The following HEXA variants were observed in gnomAD, a reference collection of about 807,000 sequenced individuals.
HEXA encodes hexosaminidase subunit alpha.
HEXA carries 54 observed loss-of-function variants against 73.3 expected under a neutral mutation model. That is an observed-to-expected ratio of 0.74 (90% CI 0.59 to 0.92). The LOEUF is 0.92. Among genes scored for constraint, HEXA ranks in the 40% least tolerant of loss-of-function variants. The pLI is 0.00. For missense variants in HEXA, 649 were observed against 653.0 expected, an observed-to-expected ratio of 0.99 and a Z score of 0.07; for synonymous variants, 230 against 246.9, an observed-to-expected ratio of 0.93 and a Z score of 0.64.
intron 5 of HEXA, 95 bp from the exon 6 acceptor site, chr15:72,351,329 C>T (rs956489053): frequency 6.2e-6 from 5 of 804,516 alleles, no homozygotes; most frequent in South Asian, 2.7e-5. Context: ...CCGCTCCACA[C>T]ACCCCTACAG....
rs140337137 is a variant in HEXA at position 72,347,725 on chromosome 15, G to A, written c.1107C>T (p.Gly369=). ...CAAACACCTCCTGCCACACCACATA[G>A]CCCTTGCCATAAGAAGAGACGATGT... ...LLDIVSSYGK[G]YVVWQEVFDN... The change falls in exon 10 of 14, where the codon GGC becomes GGT. Residue 369 remains glycine, a synonymous_variant. Transcript: ENST00000268097. 1,769 of 1,614,166 alleles carry A rather than the reference G, an allele frequency of 1.1e-3. 6 individuals carry two copies. Among genetic ancestry groups the A allele is most frequent in the Admixed American group, 2.2e-3 (134 of 60,028 alleles).
At chr15:72,365,245 G>A (rs938671190) in intron 1 of HEXA, among the ~76,000 whole-genome samples, 57 of 152,088 alleles carry the variant, frequency 3.7e-4, no homozygotes, top group East Asian at 3.3e-3. Flanking sequence ...GCACGCCACC[G>A]TGCCCGGCTA....
chr15:72,345,151 T>C, intron 13 of HEXA: 1 of 427,652 alleles, frequency 2.3e-6, no homozygotes, highest in Non-Finnish European at 4.3e-6. Context: ...TATTTGCATA[T>C]AACCAATGTA....
chr15:72,345,165 C>T, intron 13 of HEXA: 2 of 458,388 alleles, frequency 4.4e-6, no homozygotes, highest in Non-Finnish European at 7.8e-6. Flanking sequence ...CAATGTACAA[C>T]TTCCCATATA....
intron 1 of HEXA, among the ~76,000 whole-genome samples, 161 bp downstream of exon 1, chr15:72,375,556 AGTT>A (rs1567308103): frequency 1.3e-5 from 2 of 152,208 alleles, no homozygotes; most frequent in South Asian, 4.1e-4. Flanking sequence ...GTCCTATAGT[AGTT>A]ATCTTTGGAT....
chr15:72,353,575 G>A (rs1047283056), intron 4 of HEXA, 116 bp downstream of exon 4: 27 of 786,542 alleles, frequency 3.4e-5, no homozygotes, highest in Non-Finnish European at 5.7e-5. Flanking sequence ...CATTTCTACT[G>A]GGGCTATCTC....
intron 1 of HEXA, among the ~76,000 whole-genome samples, chr15:72,368,036 G>C (rs1219840740): frequency 6.6e-6 from 1 of 152,070 alleles, no homozygotes; most frequent in Non-Finnish European, 1.5e-5. Flanking sequence ...TTAAGGACGG[G>C]GAAGTTCAAT....
chr15:72,356,720 A>G (rs1188896422), intron 1 of HEXA, 103 bp from the exon 2 acceptor site: 3 of 1,533,252 alleles, frequency 2.0e-6, no homozygotes, highest in Non-Finnish European at 2.7e-6. Flanking sequence ...CCTGTGGTAA[A>G]GGAAAGGGAG....
In HEXA at chr15:72,350,566, C is replaced by G. The variant is rs774868739; in HGVS notation, c.757G>C (p.Val253Leu). The change falls in exon 7 of 14, where the codon GTG becomes CTG. Residue 253 changes from valine (V) to leucine (L), a missense_variant. Coordinates refer to ENST00000268097, the MANE Select transcript of HEXA (RefSeq NM_000520.6). ...CCAGGAGTGTCAAACTCTGCAAGCA[C>G]ACGGATACCCCGGAGCCGTGCGTAT... ...IEYARLRGIR[V>L]LAEFDTPGHT... is the part of the protein sequence containing the mutation. 6.2e-7 allele frequency: 1 copy of G among 1,614,142 alleles called. No homozygotes were observed. The highest frequency in any genetic ancestry group is 1.7e-5 in the Admixed American group (1 of 60,022).
intron 12 of HEXA, 104 bp downstream of exon 12, chr15:72,346,131 G>A: frequency 1.2e-6 from 1 of 811,742 alleles, no homozygotes; most frequent in Admixed American, 2.0e-5. Context: ...TCTCAGGCCT[G>A]AAAGAAGGGT....
intron 12 of HEXA, chr15:72,346,034 G>A (rs773078804): frequency 3.3e-6 from 2 of 611,592 alleles, no homozygotes; most frequent in Non-Finnish European, 3.0e-6. Flanking sequence ...CATACCAAAG[G>A]GCAGCTGGAG....
At chr15:72,345,613 C>A in intron 12 of HEXA, 63 bp from the exon 13 acceptor site, 1 of 1,599,028 alleles carries the variant, frequency 6.3e-7, no homozygotes, top group Non-Finnish European at 8.5e-7. Flanking sequence ...GCTGGACATC[C>A]ACAGGCTGCT....
intron 1 of HEXA, chr15:72,359,693 C>CAAAAAAAAA (rs71133986): frequency 5.7e-5 from 1 of 17,572 alleles, no homozygotes; most frequent in African/African-American, 2.2e-4. Context: ...GAAACTGTCT[C>CAAAAAAAAA]AAAAAAAAAA....
At chr15:72,347,610 G>T in intron 10 of HEXA, 76 bp downstream of exon 10, 1 of 1,150,964 alleles carries the variant, frequency 8.7e-7, no homozygotes, top group Non-Finnish European at 1.3e-6. Flanking sequence ...ATCAGTCTCT[G>T]TAGAGGCAGG....
Position 72,347,679 on chromosome 15 carries a change from G to T in HEXA, c.1146+7C>A. On this transcript the variant is annotated splice_region_variant and intron_variant, in intron 10 of 13. Coordinates refer to ENST00000268097, the MANE Select transcript of HEXA (RefSeq NM_000520.6). ...GGTGGCTTCTTCTCTTCTCTGCCCC[G>T]GCTCACCTTTACTTTATTATCAAAC... 6.2e-7 allele frequency: 1 copy of T among 1,613,340 alleles called. No individual in the cohort carries two copies. Among genetic ancestry groups the T allele is most frequent in the Non-Finnish European group, 8.5e-7 (1 of 1,179,292 alleles).
rs887509818 is a variant in HEXA at position 72,343,982 on chromosome 15, G to A, written c.*95C>T. 11 of 1,080,696 alleles carry A rather than the reference G, an allele frequency of 1.0e-5. No individual in the cohort carries two copies. The highest frequency in any genetic ancestry group is 3.8e-5 in the South Asian group (3 of 79,244). 66.9% of individuals were successfully genotyped at this position (1,080,696 alleles called of 1,614,324 possible). ...ACAGGGGCACGCAGGCAAGGGGCAC[G>A]AAGGCAAGGGGCTCCGTCCCCTGGC... On this transcript the variant is annotated 3_prime_UTR_variant, in exon 14 of 14. Transcript: ENST00000268097.
intron 13 of HEXA, among the ~76,000 whole-genome samples, chr15:72,345,003 C>T (rs1211384190): frequency 6.6e-6 from 1 of 152,150 alleles, no homozygotes; most frequent in Admixed American, 6.5e-5. Context: ...CTAAATGAGA[C>T]AATATTTGTA....
chr15:72,360,851 T>C (rs1567302402), intron 1 of HEXA, among the ~76,000 whole-genome samples: 1 of 152,218 alleles, frequency 6.6e-6, no homozygotes, highest in African/African-American at 2.4e-5. Context: ...ACCTATATAA[T>C]TGGGCTGCTG....
chr15:72,352,100 G>A (rs1285624721), intron 5 of HEXA, among the ~76,000 whole-genome samples: 1 of 152,172 alleles, frequency 6.6e-6, no homozygotes, highest in Non-Finnish European at 1.5e-5. Flanking sequence ...GGGACTACAG[G>A]TTTGCGCCAT....
Sources: gnomAD v4.1 joint callset for allele counts (sites outside exome capture counted in the v4.1 genomes callset) on GRCh38, gnomAD v4.1.1 for gene constraint, MANE v1.5 for transcripts, NCBI Gene and HGNC (gene_info 2026-07-23, HGNC 2026-07-21) for gene names.